Variants in SOD2 observed in about 807,000 individuals in gnomAD.
The protein encoded by SOD2 is superoxide dismutase 2, also known as superoxide dismutase [Mn], mitochondrial.
In SOD2, 11 loss-of-function variants were observed where a neutral mutation model predicts 27.0. That is an observed-to-expected ratio of 0.41 (90% CI 0.26 to 0.67). SOD2 has a LOEUF of 0.67. Among genes scored for constraint, SOD2 ranks in the 30% least tolerant of loss-of-function variants. The pLI is 0.34. For missense variants in SOD2, 250 were observed against 274.5 expected, an observed-to-expected ratio of 0.91 and a Z score of 0.63; for synonymous variants, 105 against 103.0, an observed-to-expected ratio of 1.02 and a Z score of -0.12.
intron 1 of SOD2, chr6:159,743,865 T>C (rs1779406215): frequency 7.1e-7 from 1 of 1,416,958 alleles, no homozygotes; most frequent in Non-Finnish European, 9.4e-7. Context: ...ACATGTTAAT[T>C]TTAAACATTT....
chr6:159,754,589 A>T (rs1047172672), intron 1 of SOD2, among the ~76,000 whole-genome samples: 3 of 152,218 alleles, frequency 2.0e-5, no homozygotes, highest in Non-Finnish European at 2.9e-5. Flanking sequence ...ATATAAAATG[A>T]TGTCATATTT....
chr6:159,739,039 T>A, intron 1 of SOD2: 1 of 1,610,858 alleles, frequency 6.2e-7, no homozygotes, highest in Non-Finnish European at 8.5e-7. Context: ...GATGAGTTAA[T>A]TCTAAGGTAA....
At chr6:159,710,955 G>A (rs1320555217) in intron 1 of SOD2, among the ~76,000 whole-genome samples, 6 of 122,740 alleles carry the variant, frequency 4.9e-5, no homozygotes, top group African/African-American at 1.1e-4. Flanking sequence ...CACTCACACT[G>A]CTCTGACCTC....
At chr6:159,695,228 C>T (rs982211407), upstream of SOD2, among the ~76,000 whole-genome samples, 1 of 151,998 alleles carries the variant, frequency 6.6e-6, no homozygotes, top group Non-Finnish European at 1.5e-5. Flanking sequence ...TGAAATATTC[C>T]TATTGGGAGG....
chr6:159,754,007 A>AT, intron 1 of SOD2, among the ~76,000 whole-genome samples: 1 of 152,320 alleles, frequency 6.6e-6, no homozygotes, highest in Non-Finnish European at 1.5e-5. Context: ...GAAAGTAATA[A>AT]AGTTGATTGT....
chr6:159,762,010 G>A, exon 1 of SOD2: 1 of 1,547,636 alleles, frequency 6.5e-7, no homozygotes, highest in East Asian at 2.4e-5. Flanking sequence ...TCCCGCCCGC[G>A]GCAGGCCTGT....
chr6:159,685,673 C>T (rs1463563756), intron 3 of SOD2, among the ~76,000 whole-genome samples: 2 of 41,358 alleles, frequency 4.8e-5, no homozygotes, highest in East Asian at 2.6e-4. Context: ...TTTCACCCCC[C>T]GTCCCCTTCT....
chr6:159,709,489 T>G (rs564372253), intron 1 of SOD2, among the ~76,000 whole-genome samples: 14 of 152,192 alleles, frequency 9.2e-5, no homozygotes, highest in African/African-American at 3.4e-4. Flanking sequence ...AAGAAGACAT[T>G]TATGCATCCA....
rs1403063241 is a variant in SOD2 at position 159,675,976 on chromosome 6, C to G, written c.*6517G>C. ...TTCTCAAAAGAAGACATCCATGCAT[C>G]CAACAGACACATGAAAAAAATGCTC... On this transcript the variant is annotated 3_prime_UTR_variant, in exon 5 of 5. Coordinates refer to ENST00000538183, the MANE Select transcript of SOD2 (RefSeq NM_000636.4). The G allele has an allele frequency of 1.3e-5, 2 of 152,140 alleles. No homozygotes were observed. Among genetic ancestry groups the G allele is most frequent in the African/African-American group, 2.4e-5 (1 of 41,408 alleles). 9.4% of individuals were successfully genotyped at this position (152,140 alleles called of 1,614,324 possible).
exon 1 of SOD2, chr6:159,761,509 G>A (rs1780124331): frequency 2.2e-6 from 1 of 455,880 alleles, no homozygotes; most frequent in South Asian, 1.6e-5. Flanking sequence ...CGAATGACTG[G>A]CGCCAGGAGA....
upstream of SOD2, chr6:159,693,287 G>C (rs1445797094): frequency 6.0e-6 from 5 of 835,452 alleles, no homozygotes; most frequent in Non-Finnish European, 9.0e-6. Flanking sequence ...GCGGGGAGCA[G>C]GGCCGCGACC....
chr6:159,700,841 C>T (rs2114807029), intron 1 of SOD2, among the ~76,000 whole-genome samples: 1 of 152,202 alleles, frequency 6.6e-6, no homozygotes, highest in South Asian at 2.1e-4. Context: ...CTTTGTTAAA[C>T]TCTGACTTTT....
chr6:159,744,123 C>A (rs1348627262), intron 1 of SOD2, among the ~76,000 whole-genome samples: 2 of 152,154 alleles, frequency 1.3e-5, no homozygotes, highest in African/African-American at 4.8e-5. Flanking sequence ...GCTTTACTTT[C>A]ACTGATTAGG....
At chr6:159,685,833 C>T (rs568953681) in intron 3 of SOD2, among the ~76,000 whole-genome samples, 11 of 152,288 alleles carry the variant, frequency 7.2e-5, no homozygotes, top group African/African-American at 2.2e-4. Flanking sequence ...CCTCCAGCTG[C>T]GTAGTTCACA....
intron 1 of SOD2, among the ~76,000 whole-genome samples, chr6:159,712,524 C>T (rs1251251491): frequency 7.4e-6 from 1 of 135,600 alleles, no homozygotes; most frequent in African/African-American, 2.6e-5. Flanking sequence ...AACCACCACT[C>T]ACACTGCTCT....
At position 159,712,076 on chromosome 6, in the gene SOD2, A is replaced by T. The variant is rs191591010; in HGVS notation, c.-116+15053T>A. On this transcript the variant is annotated intron_variant, in intron 1 of 2. Transcript: ENST00000401980. ...CTCCATAACCACCACTCGGCTGCTC[A>T]GACCTCCATAACCACCTCCATAACC... 4.1e-3 allele frequency among the ~76,000 whole-genome samples: 84 copies of T among 20,466 alleles called. 6 individuals are homozygous for T. Among genetic ancestry groups the T allele is most frequent in the Middle Eastern group, 0.1 (1 of 10 alleles). 13.4% of individuals were successfully genotyped at this position (20,466 alleles called of 152,430 possible). A position where few individuals can be genotyped will look rare whatever the true frequency, so the allele number is the denominator to read the frequency against.
chr6:159,758,434 T>C (rs570280928), intron 1 of SOD2, among the ~76,000 whole-genome samples: 73 of 152,288 alleles, frequency 4.8e-4, no homozygotes, highest in Middle Eastern at 6.8e-3. Flanking sequence ...GTGTATTGGA[T>C]ACAACTGACT....
At chr6:159,724,852 C>T (rs1161519311) in intron 1 of SOD2, among the ~76,000 whole-genome samples, 1 of 64,868 alleles carries the variant, frequency 1.5e-5, no homozygotes, top group Non-Finnish European at 2.8e-5. Flanking sequence ...ACCCTGTTCT[C>T]AAAAAAGAAA....
At chr6:159,686,089 G>A (rs1780173596) in intron 3 of SOD2, among the ~76,000 whole-genome samples, 1 of 152,098 alleles carries the variant, frequency 6.6e-6, no homozygotes, top group Non-Finnish European at 1.5e-5. Context: ...TTTAAGAGCT[G>A]TAATCCTTTT....
Sources: gnomAD v4.1 joint callset for allele counts (sites outside exome capture counted in the v4.1 genomes callset) on GRCh38, gnomAD v4.1.1 for gene constraint, MANE v1.5 for transcripts, NCBI Gene and HGNC (gene_info 2026-07-23, HGNC 2026-07-21) for gene names.